DYM: variants seen among roughly 807,000 people sequenced by gnomAD.
The protein encoded by DYM is dymeclin, also known as dyggve-Melchior-Clausen syndrome protein.
Under a neutral mutation model 93.1 loss-of-function variants are expected in DYM, and 78 were observed. The observed-to-expected ratio is 0.84, with a 90% confidence interval of 0.70 to 1.01. DYM has a LOEUF of 1.01. Ranked by LOEUF, DYM falls within the 50% of genes least tolerant of loss-of-function variation. DYM has a pLI of 0.00. For missense variants in DYM, 789 were observed against 845.0 expected (o/e 0.93, Z 0.82); for synonymous variants, 321 against 319.7 (o/e 1.00, Z -0.04).
Position 49,289,760 on chromosome 18 carries a change from TATATATATATATACAC to T in DYM, c.764-3160_764-3145del, listed in dbSNP as rs1485653790. Among the ~76,000 whole-genome samples, 9 of 37,586 alleles carry T rather than the reference TATATATATATATACAC, an allele frequency of 2.4e-4. No individual in the cohort carries two copies. In the East Asian group the frequency reaches 3.5e-3, roughly 15 times the overall value. 24.7% of individuals were successfully genotyped at this position (37,586 alleles called of 152,430 possible). On this transcript the variant is annotated intron_variant, in intron 8 of 17. Transcript: ENST00000675505. ...ATATATATATATATATATATATATA[TATATATATATATACAC>T]ATATATATATATACACACATATATA...
chr18:49,211,043 G>C (rs2092758906), intron 13 of DYM, among the ~76,000 whole-genome samples: 2 of 152,286 alleles, frequency 1.3e-5, no homozygotes, highest in Middle Eastern at 3.4e-3. Context: ...TTATGGTAGA[G>C]AGAACACTGA....
intron 2 of DYM, among the ~76,000 whole-genome samples, chr18:49,418,247 G>C (rs1373477440): frequency 6.6e-6 from 1 of 152,000 alleles, no homozygotes; most frequent in Non-Finnish European, 1.5e-5. Context: ...CATAGCCTCA[G>C]ATGCCTATGA....
intron 17 of DYM, among the ~76,000 whole-genome samples, chr18:49,050,821 T>C (rs571712500): frequency 6.6e-6 from 1 of 152,278 alleles, no homozygotes; most frequent in Admixed American, 6.5e-5. Flanking sequence ...GTGCACCATT[T>C]GTTTCCCCAA....
intron 1 of DYM, among the ~76,000 whole-genome samples, chr18:49,446,895 C>T (rs1196997510): frequency 6.6e-6 from 1 of 151,952 alleles, no homozygotes; most frequent in Admixed American, 6.6e-5. Context: ...TCCGTCTCTA[C>T]TAAAAATACA....
Position 49,378,572 on chromosome 18 carries a change from T to C in DYM, c.416A>G (p.Asn139Ser), listed in dbSNP as rs747398994. Residue 139 changes from asparagine (N) to serine (S), a missense_variant, in exon 5 of 18, where the codon AAT becomes AGT. By Grantham distance (46) the Asn-to-Ser change is conservative. Around this residue, in one of 3 missense-constraint regions of DYM, gnomAD observed 450 missense variants for 436.2 expected, o/e 1.03. Coordinates refer to ENST00000675505, the MANE Select transcript of DYM (RefSeq NM_001353214.3). The part of the protein sequence containing the change: ...HFTYEEKSPG[N>S]YSSDSEDLLE... Reference sequence around the variant, plus strand: ...TCTTTAAAAACAATACTTACTGTAATTGCCAGGAGATTTTTCTTCATAAGT... The same window carrying C: ...TCTTTAAAAACAATACTTACTGTAACTGCCAGGAGATTTTTCTTCATAAGT... The C allele has an allele frequency of 6.2e-7, 1 of 1,609,544 alleles. No homozygotes were observed. The highest frequency in any genetic ancestry group is 8.5e-7 in the Non-Finnish European group (1 of 1,176,180).
intron 5 of DYM, among the ~76,000 whole-genome samples, chr18:49,369,359 G>A (rs1195122339): frequency 2.0e-5 from 3 of 152,154 alleles, no homozygotes; most frequent in Non-Finnish European, 4.4e-5. Flanking sequence ...TGGGAAGGGG[G>A]GTGGCCTCCT....
chr18:49,320,618 G>A (rs1173127086), intron 8 of DYM, among the ~76,000 whole-genome samples: 1 of 152,042 alleles, frequency 6.6e-6, no homozygotes, highest in Non-Finnish European at 1.5e-5. Context: ...GGGATTACAG[G>A]TGCAACACCA....
intron 8 of DYM, among the ~76,000 whole-genome samples, chr18:49,324,636 T>C (rs536750337): frequency 1.1e-4 from 17 of 152,306 alleles, no homozygotes; most frequent in African/African-American, 3.8e-4. Context: ...AATTTCAAAT[T>C]TGAGCAGACC....
chr18:49,273,548 A>T (rs547678819), intron 10 of DYM, among the ~76,000 whole-genome samples: 2 of 152,286 alleles, frequency 1.3e-5, no homozygotes, highest in South Asian at 4.1e-4. Flanking sequence ...TTACAACATC[A>T]TATTTTTACT....
chr18:49,351,904 G>A (rs1005403470), intron 6 of DYM, among the ~76,000 whole-genome samples: 1 of 152,184 alleles, frequency 6.6e-6, no homozygotes, highest in Non-Finnish European at 1.5e-5. Context: ...AAATAGTGAA[G>A]AGGAATCCCA....
rs566424363 is a variant in DYM at position 49,133,356 on chromosome 18, T to C, written c.1729-14430A>G. Among the ~76,000 whole-genome samples, 41 of 152,324 alleles carry C rather than the reference T, an allele frequency of 2.7e-4. 1 individual carries two copies. Among genetic ancestry groups the C allele is most frequent in the African/African-American group, 9.6e-4 (40 of 41,588 alleles). On this transcript the variant is annotated intron_variant, in intron 15 of 17. Coordinates refer to ENST00000675505, the MANE Select transcript of DYM (RefSeq NM_001353214.3). Reference sequence around the variant, plus strand: ...AAAATTTTCATCATCCCTGAATTTGTTTTCTGTTACTGTCATAACAAACTA... The same window carrying C: ...AAAATTTTCATCATCCCTGAATTTGCTTTCTGTTACTGTCATAACAAACTA...
chr18:49,115,646 T>C (rs761475734), intron 16 of DYM, among the ~76,000 whole-genome samples: 16 of 152,324 alleles, frequency 1.1e-4, no homozygotes, highest in African/African-American at 3.8e-4. Flanking sequence ...AATGGACATG[T>C]TGGATATTTC....
At position 49,041,709 on chromosome 18, in the gene DYM, G is replaced by A. The variant is rs1156925944; in HGVS notation, c.*2346C>T. On this transcript the variant is annotated 3_prime_UTR_variant, in exon 18 of 18. Transcript: ENST00000675505. The stretch of plus-strand genomic sequence containing the variant: ...TGATGAATGAGAAAAGGGAAAGAGG[G>A]GAGGGCAATCAGGGTTCTGGGGGCA... The A allele has an allele frequency of 6.6e-6, 1 of 152,282 alleles. No individual in the cohort carries two copies. The allele number at this position is 152,282 out of a possible 1,614,324, so 9.4% of individuals were successfully genotyped here.
intron 8 of DYM, among the ~76,000 whole-genome samples, chr18:49,289,792 CACATATATATATATAT>C (rs1568181959): frequency 1.7e-4 from 11 of 64,794 alleles, no homozygotes; most frequent in Non-Finnish European, 2.9e-4. Context: ...TATATATACA[CACATATATATATATAT>C]ACACATATAT....
At chr18:49,127,250 C>A (rs942971344) in intron 15 of DYM, among the ~76,000 whole-genome samples, 1 of 152,136 alleles carries the variant, frequency 6.6e-6, no homozygotes, top group Admixed American at 6.5e-5. Flanking sequence ...AGAAAATGAT[C>A]CCATTTTCAG....
chr18:49,362,665 C>G (rs2147351663), intron 6 of DYM, among the ~76,000 whole-genome samples: 1 of 152,284 alleles, frequency 6.6e-6, no homozygotes, highest in African/African-American at 2.4e-5. Flanking sequence ...TCAATCAGTT[C>G]CTTTTAGAGA....
intron 8 of DYM, 34 bp from the exon 9 acceptor site, chr18:49,286,650 C>T (rs1405534705): frequency 2.3e-5 from 36 of 1,595,908 alleles, no homozygotes; most frequent in Non-Finnish European, 2.7e-5. Context: ...GGATGTGCTG[C>T]CACCAATGAG....
intron 9 of DYM, among the ~76,000 whole-genome samples, 177 bp from the exon 10 acceptor site, chr18:49,282,352 C>T (rs1475680443): frequency 3.3e-5 from 5 of 152,150 alleles, no homozygotes; most frequent in African/African-American, 7.2e-5. Context: ...TGGCGGCTCA[C>T]GCCTGTAATC....
chr18:49,234,078 G>T (rs575658772), intron 13 of DYM, among the ~76,000 whole-genome samples: 1 of 152,060 alleles, frequency 6.6e-6, no homozygotes, highest in Non-Finnish European at 1.5e-5. Flanking sequence ...GCAGTGAGCC[G>T]TGATCGCACC....
Sources: gnomAD v4.1 joint callset for allele counts (sites outside exome capture counted in the v4.1 genomes callset) on GRCh38, gnomAD v4.1.1 for gene constraint, gnomAD v4.1.1 regional missense constraint, MANE v1.5 for transcripts, NCBI Gene and HGNC (gene_info 2026-07-23, HGNC 2026-07-21) for gene names.